The following TOMT variants were observed in gnomAD, a reference collection of about 807,000 sequenced individuals.
TOMT encodes transmembrane O-methyltransferase.
Under a neutral mutation model 21.7 loss-of-function variants are expected in TOMT, and 23 were observed. The ratio of observed to expected loss-of-function variants is 1.06; its 90% CI spans 0.76 to 1.50. The LOEUF (loss-of-function observed/expected upper bound fraction) is 1.50, where lower values mean the gene tolerates loss of function less well. Ranked by LOEUF, TOMT falls within the 40% of genes most tolerant of loss-of-function variation. TOMT has a pLI of 0.00. For synonymous variants in TOMT, 132 were observed against 150.8 expected, an observed-to-expected ratio of 0.88 and a Z score of 0.91; for missense variants, 331 against 348.7, an observed-to-expected ratio of 0.95 and a Z score of 0.41.
At chr11:72,108,860 G>T in exon 3 of TOMT, 1 of 1,550,472 alleles carries the variant, frequency 6.4e-7, no homozygotes, top group South Asian at 1.2e-5. Context: ...CCACCACACT[G>T]GCCTTCCAGA....
chr11:72,105,970 T>C lies in TOMT; in HGVS notation c.19T>C (p.Leu7=), dbSNP rs876657501. Residue 7 remains leucine, a synonymous_variant, in exon 1 of 3, where the codon TTG becomes CTG. Transcript: ENST00000541899. ...AGGGACCATGTCCCCTGCCATTGCA[T>C]TGGCCTTCCTGCCACTGGTGGTAAC... The C allele has an allele frequency of 3.9e-6, 6 of 1,549,860 alleles. No individual in the cohort carries two copies. The highest frequency in any genetic ancestry group is 1.2e-5 in the South Asian group (1 of 83,996).
chr11:72,107,204 C>A, intron 1 of TOMT: 1 of 533,956 alleles, frequency 1.9e-6, no homozygotes, highest in Non-Finnish European at 3.3e-6. Context: ...GTGGTCAAGG[C>A]TGCAGTGAGC....
rs771602448 is a variant in TOMT, at chr11:72,106,086, C to A, written c.135C>A (p.Ile45=). Residue 45 remains isoleucine, a synonymous_variant, in exon 1 of 3, where the codon ATC becomes ATA. Transcript: ENST00000541899. ...GAGACTGCCTGTCAGGGCTGCGGAT[C>A]GAGGAGCGGGCCTTCAGCTACGTGC... 13 of 1,549,754 alleles carry A rather than the reference C, an allele frequency of 8.4e-6. No individual in the cohort carries two copies. Among genetic ancestry groups the A allele is most frequent in the Admixed American group, 2.0e-5 (1 of 50,978 alleles).
intron 1 of TOMT, 146 bp downstream of exon 1, chr11:72,106,356 A>G (rs1473809090): frequency 4.7e-6 from 4 of 844,662 alleles, no homozygotes; most frequent in Non-Finnish European, 6.8e-6. Flanking sequence ...GGAAATGAGG[A>G]GCTTGGACTA....
chr11:72,107,756 T>G (rs1945830152), intron 1 of TOMT, among the ~76,000 whole-genome samples, 167 bp from the exon 2 acceptor site: 2 of 152,268 alleles, frequency 1.3e-5, no homozygotes, highest in Non-Finnish European at 2.9e-5. Flanking sequence ...AAGACTACAC[T>G]GTAGGAGACG....
exon 3 of TOMT, chr11:72,109,131 CCT>C (rs1163160263): frequency 3.5e-6 from 2 of 577,980 alleles, no homozygotes; most frequent in African/African-American, 1.9e-5. Flanking sequence ...CACTAGGCCC[CCT>C]CTTTCCAGAG....
chr11:72,106,398 C>T, intron 1 of TOMT, 188 bp downstream of exon 1: 3 of 609,042 alleles, frequency 4.9e-6, no homozygotes, highest in Non-Finnish European at 5.2e-6. Flanking sequence ...TTATTGCCAC[C>T]TCTTTTGTAT....
intron 1 of TOMT, chr11:72,107,601 T>C (rs1565331206): frequency 2.9e-6 from 2 of 685,204 alleles, no homozygotes; most frequent in Non-Finnish European, 5.3e-6. Context: ...TACTGAGAGA[T>C]GAACCTGGAA....
chr11:72,109,404 C>A, downstream of TOMT: 1 of 458,294 alleles, frequency 2.2e-6, no homozygotes. Context: ...TGGATGCAAG[C>A]TGGGCCAGAG....
chr11:72,108,564 A>G, intron 2 of TOMT, 41 bp from the exon 3 acceptor site: 1 of 1,422,308 alleles, frequency 7.0e-7, no homozygotes, highest in Non-Finnish European at 9.2e-7. Context: ...TGGGAGAACA[A>G]TTCCCCCCAC....
chr11:72,107,236 C>A (rs893454151), intron 1 of TOMT: 1 of 583,604 alleles, frequency 1.7e-6, no homozygotes, highest in African/African-American at 1.9e-5. Flanking sequence ...TACTGCACTC[C>A]AGCCTGGGCA....
intron 2 of TOMT, 89 bp from the exon 3 acceptor site, chr11:72,108,516 C>A: frequency 8.2e-7 from 1 of 1,212,428 alleles, no homozygotes; most frequent in Non-Finnish European, 1.1e-6. Context: ...AAGCCAGGAC[C>A]TGGCATGAAG....
intron 2 of TOMT, 50 bp from the exon 3 acceptor site, chr11:72,108,555 G>T: frequency 7.1e-7 from 1 of 1,416,558 alleles, no homozygotes; most frequent in South Asian, 1.5e-5. Context: ...GGTCTTGACT[G>T]GGAGAACAAT....
intron 1 of TOMT, chr11:72,107,178 G>A (rs1945770210): frequency 4.3e-6 from 2 of 470,080 alleles, no homozygotes; most frequent in Non-Finnish European, 7.5e-6. Flanking sequence ...GAGGTGGGAG[G>A]ATTGCCTGAG....
chr11:72,105,990 G>A lies in TOMT; in HGVS notation c.39G>A (p.Val13=), dbSNP rs936612642. ...TTGCATTGGCCTTCCTGCCACTGGT[G>A]GTAACATTGCTGGTGCGGTACCGGC... Residue 13 remains valine, a synonymous_variant, in exon 1 of 3, where the codon GTG becomes GTA. Transcript: ENST00000541899. 2.6e-6 allele frequency: 4 copies of A among 1,550,640 alleles called. No homozygotes were observed. In the Admixed American group the frequency reaches 7.8e-5, roughly 30 times the overall value.
chr11:72,107,525 A>T, intron 1 of TOMT: 1 of 702,912 alleles, frequency 1.4e-6, no homozygotes, highest in Non-Finnish European at 2.6e-6. Context: ...TGAAGGAATG[A>T]GACAGCTTGA....
rs1307661737 is a variant in TOMT at position 72,105,945 on chromosome 11, A to G, written c.-7A>G. On this transcript the variant is annotated 5_prime_UTR_variant, in exon 1 of 3. Coordinates refer to ENST00000541899, the Ensembl canonical transcript of TOMT. ...CCTCCCTCCACCCCAGGGCCCAGGTAGGGACCATGTCCCCTGCCATTGCAT... is the reference window on the plus strand; with the variant it reads ...CCTCCCTCCACCCCAGGGCCCAGGTGGGGACCATGTCCCCTGCCATTGCAT... 10 of 1,544,328 alleles carry G rather than the reference A, an allele frequency of 6.5e-6. No individual in the cohort carries two copies. In the Admixed American group the frequency reaches 1.8e-4, roughly 27 times the overall value.
intron 2 of TOMT, 150 bp downstream of exon 2, chr11:72,108,269 T>A: frequency 1.5e-6 from 1 of 687,856 alleles, no homozygotes; most frequent in Non-Finnish European, 2.3e-6. Flanking sequence ...TGCCCTCCTG[T>A]CCCAAGTCAT....
In TOMT at chr11:72,108,126, C is replaced by T; in HGVS notation, c.456+7C>T. ...CGGCTTTGATGAGCACATGGTCAGCCTCCCATCTCCCCAACCCAGATTTTT... is the reference window on the plus strand; with the variant it reads ...CGGCTTTGATGAGCACATGGTCAGCTTCCCATCTCCCCAACCCAGATTTTT... On this transcript the variant is annotated splice_region_variant and intron_variant, in intron 2 of 2. Transcript: ENST00000541899. 1 of 1,488,088 alleles carries T rather than the reference C, an allele frequency of 6.7e-7. No homozygotes were observed. The highest frequency in any genetic ancestry group is 9.0e-7 in the Non-Finnish European group (1 of 1,112,846). 92.2% of individuals were successfully genotyped at this position (1,488,088 alleles called of 1,614,324 possible). A position where few individuals can be genotyped will look rare whatever the true frequency, so the allele number is the denominator to read the frequency against.
Sources: allele counts gnomAD v4.1 joint callset (sites outside exome capture counted in the v4.1 genomes callset), GRCh38; gene constraint gnomAD v4.1.1; transcripts MANE v1.5; gene names NCBI Gene and HGNC (gene_info 2026-07-23, HGNC 2026-07-21).